Variants in TRABD2A observed in about 807,000 individuals in gnomAD.
TRABD2A encodes TraB domain containing 2A, also known as metalloprotease TIKI1.
TRABD2A carries 43 observed loss-of-function variants against 45.6 expected under a neutral mutation model. The ratio of observed to expected loss-of-function variants is 0.94; its 90% CI spans 0.74 to 1.22. TRABD2A has a LOEUF of 1.22. Among genes scored for constraint, TRABD2A ranks in the 50% most tolerant of loss-of-function variants. The pLI is 0.00. For synonymous variants in TRABD2A, 269 were observed against 265.0 expected, an observed-to-expected ratio of 1.02 and a Z score of -0.15; for missense variants, 642 against 652.4, an observed-to-expected ratio of 0.98 and a Z score of 0.17.
At chr2:84,877,698 C>G (rs566344460) in intron 1 of TRABD2A, among the ~76,000 whole-genome samples, 1 of 152,272 alleles carries the variant, frequency 6.6e-6, no homozygotes, top group East Asian at 1.9e-4. Context: ...TTAACAGACA[C>G]CTGTGTAGTC....
intron 2 of TRABD2A, among the ~76,000 whole-genome samples, chr2:84,847,079 G>A (rs1681922607): frequency 6.6e-6 from 1 of 152,222 alleles, no homozygotes; most frequent in South Asian, 2.1e-4. Flanking sequence ...CAGGCCATGG[G>A]TAGCCATCTG....
intron 2 of TRABD2A, among the ~76,000 whole-genome samples, chr2:84,854,249 G>A (rs1682197441): frequency 6.6e-6 from 1 of 152,064 alleles, no homozygotes; most frequent in South Asian, 2.1e-4. Flanking sequence ...GCAGGAACTT[G>A]AGCATCTTTG....
At chr2:84,872,932 T>C (rs1470203677) in intron 1 of TRABD2A, among the ~76,000 whole-genome samples, 3 of 150,548 alleles carry the variant, frequency 2.0e-5, no homozygotes, top group African/African-American at 7.4e-5. Flanking sequence ...CTGGGCAACA[T>C]GGTGAAACCG....
chr2:84,869,159 A>G (rs996377378), intron 2 of TRABD2A, among the ~76,000 whole-genome samples: 2 of 152,234 alleles, frequency 1.3e-5, no homozygotes, highest in African/African-American at 2.4e-5. Flanking sequence ...CTTTTAAATA[A>G]CAACCTTAGT....
Position 84,867,279 on chromosome 2 carries a change from G to A in TRABD2A, c.669+2946C>T, listed in dbSNP as rs145019559. Among the ~76,000 whole-genome samples the A allele has an allele frequency of 2.4e-3, 367 of 152,276 alleles. 2 individuals carry two copies. The highest frequency in any genetic ancestry group is 8.5e-3 in the African/African-American group (355 of 41,546). On this transcript the variant is annotated intron_variant, in intron 2 of 6. Transcript: ENST00000409520. ...TCTTAAACACCTACACAAACCCTAA[G>A]AATGTGTTATAAAATCAACATGACA...
At chr2:84,843,703 G>C (rs1220766747) in intron 2 of TRABD2A, 1 of 152,194 alleles carries the variant, frequency 6.6e-6, no homozygotes, top group East Asian at 1.9e-4. Flanking sequence ...TCTTTTATTA[G>C]GGCCTTAATC....
intron 2 of TRABD2A, among the ~76,000 whole-genome samples, chr2:84,847,853 G>T (rs766342983): frequency 6.6e-6 from 1 of 152,216 alleles, no homozygotes; most frequent in Non-Finnish European, 1.5e-5. Context: ...TGTTGACGAG[G>T]TCATGCTCCC....
chr2:84,841,913 T>G lies in TRABD2A; in HGVS notation c.764A>C (p.His255Pro). The change falls in exon 3 of 7, where the codon CAC becomes CCC. Residue 255 changes from histidine (H) to proline (P), a missense_variant. Transcript: ENST00000409520. ...GGAGCTGAGGTCCCCGCAGTTATAG[T>G]GTTTGATGAGATCCTCCGTCGTGTA... ...IPYTTEDLIK[H>P]YNCGDLSSVI... 6.5e-7 allele frequency: 1 copy of G among 1,548,548 alleles called. No homozygotes were observed.
chr2:84,862,374 G>C (rs1196119349), intron 2 of TRABD2A, among the ~76,000 whole-genome samples: 1 of 152,200 alleles, frequency 6.6e-6, no homozygotes, highest in Non-Finnish European at 1.5e-5. Flanking sequence ...CACCAAGCAG[G>C]TGTCAAGGAA....
intron 1 of TRABD2A, among the ~76,000 whole-genome samples, chr2:84,876,518 C>G (rs1219807141): frequency 6.6e-6 from 1 of 152,140 alleles, no homozygotes; most frequent in Non-Finnish European, 1.5e-5. Context: ...TGAGAACTGA[C>G]CTCTGGATTG....
intron 5 of TRABD2A, among the ~76,000 whole-genome samples, chr2:84,827,155 A>T (rs1681173642): frequency 6.6e-6 from 1 of 152,218 alleles, no homozygotes; most frequent in Non-Finnish European, 1.5e-5. Context: ...CTCACAGTTT[A>T]GCTAAACTTC....
intron 5 of TRABD2A, among the ~76,000 whole-genome samples, chr2:84,825,627 G>A (rs1017779653): frequency 6.6e-6 from 1 of 152,144 alleles, no homozygotes; most frequent in African/African-American, 2.4e-5. Flanking sequence ...CTAGAGCCCA[G>A]AAAGGGAATG....
chr2:84,880,657 C>T (rs528222004), intron 1 of TRABD2A, among the ~76,000 whole-genome samples: 1 of 152,218 alleles, frequency 6.6e-6, no homozygotes, highest in Non-Finnish European at 1.5e-5. Flanking sequence ...AAATGGCTGG[C>T]GAGACCCCAG....
chr2:84,824,134 C>A lies in TRABD2A; in HGVS notation c.1153G>T (p.Glu385Ter), dbSNP rs1472273544. 2 of 1,613,968 alleles carry A rather than the reference C, an allele frequency of 1.2e-6. No homozygotes were observed. The highest frequency in any genetic ancestry group is 1.7e-6 in the Non-Finnish European group (2 of 1,179,874). ...TIFAPKVPTL[E>*]VPAPEAVSSG... ...GATACGGCTTCTGGTGCCGGTACTT[C>A]CAGGGTAGGGACTTTTGGAGCAAAG... The change falls in exon 6 of 7, where the codon GAA (glutamate) becomes TAA (stop). Residue 385 changes from glutamate (E) to a stop codon, truncating the protein, a stop_gained. Transcript: ENST00000409520. LOFTEE classifies it high-confidence loss of function.
At chr2:84,850,302 G>A (rs1295206485) in intron 2 of TRABD2A, among the ~76,000 whole-genome samples, 1 of 152,148 alleles carries the variant, frequency 6.6e-6, no homozygotes, top group Non-Finnish European at 1.5e-5. Context: ...CTGTTAGCAG[G>A]ATGGGTTTAC....
At chr2:84,832,301 G>T in intron 4 of TRABD2A, 156 bp from the exon 5 acceptor site, 1 of 693,372 alleles carries the variant, frequency 1.4e-6, no homozygotes, top group Non-Finnish European at 2.5e-6. Context: ...AATCAGGCCT[G>T]CCAACAGTCC....
chr2:84,848,375 T>TAGATAGACAGAC (rs1315427907), intron 2 of TRABD2A, among the ~76,000 whole-genome samples: 193 of 80,562 alleles, frequency 2.4e-3, no homozygotes, highest in Admixed American at 6.0e-3. Context: ...GATAGATAGA[T>TAGATAGACAGAC]AGACAGACAG....
intron 2 of TRABD2A, among the ~76,000 whole-genome samples, chr2:84,869,839 C>T (rs560381278): frequency 1.3e-5 from 2 of 151,892 alleles, no homozygotes; most frequent in East Asian, 3.9e-4. Context: ...AGTAGTCGGG[C>T]GTGGTAGCAC....
chr2:84,858,753 G>A (rs1355989132), intron 2 of TRABD2A, among the ~76,000 whole-genome samples: 1 of 152,188 alleles, frequency 6.6e-6, no homozygotes, highest in Non-Finnish European at 1.5e-5. Flanking sequence ...ACCACACATG[G>A]TTCCATAGTG....
Sources: gnomAD v4.1 joint callset for allele counts (sites outside exome capture counted in the v4.1 genomes callset) on GRCh38, gnomAD v4.1.1 for gene constraint, MANE v1.5 for transcripts, NCBI Gene and HGNC (gene_info 2026-07-23, HGNC 2026-07-21) for gene names.